Variants in GLRA1 observed in about 807,000 individuals in gnomAD.
GLRA1 encodes the protein glycine receptor alpha 1.
A neutral mutation model predicts 48.3 loss-of-function variants in GLRA1; 37 were observed. That is an observed-to-expected ratio of 0.77 (90% CI 0.59 to 1.01). GLRA1 has a LOEUF of 1.01. GLRA1 is among the 50% of genes least tolerant of loss of function. GLRA1 has a pLI of 0.00. For synonymous variants in GLRA1, 196 were observed against 210.7 expected (o/e 0.93, Z 0.60); for missense variants, 427 against 571.0 (o/e 0.75, Z 2.57).
At chr5:151,923,559 A>G (rs1227142202) in intron 1 of GLRA1, among the ~76,000 whole-genome samples, 1 of 152,198 alleles carries the variant, frequency 6.6e-6, no homozygotes, top group Admixed American at 6.5e-5. Flanking sequence ...CCATCTCTGA[A>G]GATGGTATGA....
chr5:151,859,668 T>C, intron 4 of GLRA1, 117 bp downstream of exon 4: 1 of 745,894 alleles, frequency 1.3e-6, no homozygotes. Context: ...TGCAAAGGTG[T>C]TGGGTTGCCA....
intron 7 of GLRA1, among the ~76,000 whole-genome samples, chr5:151,844,651 A>G (rs1023586401): frequency 2.0e-5 from 3 of 150,904 alleles, no homozygotes; most frequent in Non-Finnish European, 3.0e-5. Flanking sequence ...AGAAAAAGAA[A>G]AAAAAAGACA....
At chr5:151,912,147 A>C (rs1338828294) in intron 1 of GLRA1, among the ~76,000 whole-genome samples, 1 of 150,884 alleles carries the variant, frequency 6.6e-6, no homozygotes, top group Non-Finnish European at 1.5e-5. Flanking sequence ...GGGCCGTATC[A>C]CCTCCTTTTT....
At chr5:151,826,288 T>C (rs1312841099) in intron 8 of GLRA1, among the ~76,000 whole-genome samples, 3 of 152,218 alleles carry the variant, frequency 2.0e-5, no homozygotes, top group Non-Finnish European at 2.9e-5. Flanking sequence ...AGTCCAGATT[T>C]TAAAAACACT....
At chr5:151,888,232 A>G (rs554491651) in intron 2 of GLRA1, among the ~76,000 whole-genome samples, 1 of 152,348 alleles carries the variant, frequency 6.6e-6, no homozygotes, top group East Asian at 1.9e-4. Flanking sequence ...AAAGTAGCCC[A>G]AGCATTTTGC....
chr5:151,831,411 C>T (rs752966560), intron 7 of GLRA1, among the ~76,000 whole-genome samples: 217 of 152,340 alleles, frequency 1.4e-3, no homozygotes, highest in African/African-American at 4.6e-3. Flanking sequence ...TTGAAATTCT[C>T]GCTGCCAGCA....
intron 2 of GLRA1, among the ~76,000 whole-genome samples, chr5:151,891,396 A>T (rs964989573): frequency 3.9e-5 from 6 of 152,222 alleles, no homozygotes; most frequent in Non-Finnish European, 8.8e-5. Flanking sequence ...TTGGCAACCC[A>T]CAGGGCATAT....
At position 151,854,267 on chromosome 5, in the gene GLRA1, G is replaced by A. The variant is rs80300088; in HGVS notation, c.697+773C>T. The stretch of plus-strand genomic sequence containing the variant: ...CCCAAGACAGACTGCAGCCCAGGCT[G>A]CCTGTACCTTCACTGGGCTTTCTAC... On this transcript the variant is annotated intron_variant, in intron 6 of 8. Transcript: ENST00000274576. Among the ~76,000 whole-genome samples the A allele has an allele frequency of 5.2e-3, 798 of 152,306 alleles. 9 individuals carry two copies. The highest frequency in any genetic ancestry group is 0.018 in the African/African-American group (751 of 41,584).
intron 1 of GLRA1, among the ~76,000 whole-genome samples, chr5:151,903,061 CA>C (rs1754401178): frequency 6.6e-6 from 1 of 152,072 alleles, no homozygotes; most frequent in Non-Finnish European, 1.5e-5. Flanking sequence ...TATACTAGTG[CA>C]ATCTCAGAGT....
At chr5:151,849,504 T>TC (rs1174415056) in intron 7 of GLRA1, among the ~76,000 whole-genome samples, 9 of 112,130 alleles carry the variant, frequency 8.0e-5, no homozygotes, top group African/African-American at 3.5e-4. Flanking sequence ...TTCTTTTCTT[T>TC]CTTTCTTTCT....
At chr5:151,844,693 ATAAAT>A (rs1209695871) in intron 7 of GLRA1, among the ~76,000 whole-genome samples, 1 of 151,722 alleles carries the variant, frequency 6.6e-6, no homozygotes, top group Non-Finnish European at 1.5e-5. Flanking sequence ...GAAAAAACAG[ATAAAT>A]TAGACTTTAT....
intron 3 of GLRA1, among the ~76,000 whole-genome samples, chr5:151,869,972 A>T (rs1327408480): frequency 1.3e-5 from 2 of 149,728 alleles, no homozygotes; most frequent in Non-Finnish European, 2.9e-5. Context: ...TTTAAAAAAA[A>T]TTTTAAACCA....
intron 1 of GLRA1, among the ~76,000 whole-genome samples, chr5:151,903,329 C>T (rs1754407087): frequency 1.3e-5 from 2 of 152,162 alleles, no homozygotes; most frequent in Non-Finnish European, 2.9e-5. Context: ...AATGGAGTGA[C>T]TGGTCTTCAG....
intron 3 of GLRA1, among the ~76,000 whole-genome samples, chr5:151,877,639 A>G (rs1753658946): frequency 6.6e-6 from 1 of 152,146 alleles, no homozygotes; most frequent in South Asian, 2.1e-4. Context: ...CCTGGTGGGA[A>G]GTAATTGAAT....
chr5:151,923,413 T>C (rs1754927061), intron 1 of GLRA1, among the ~76,000 whole-genome samples: 1 of 152,154 alleles, frequency 6.6e-6, no homozygotes, highest in African/African-American at 2.4e-5. Flanking sequence ...TGGGGTGGGT[T>C]TTTCAAATGA....
chr5:151,919,036 T>A (rs1387136154), intron 1 of GLRA1, among the ~76,000 whole-genome samples: 1 of 152,230 alleles, frequency 6.6e-6, no homozygotes, highest in South Asian at 2.1e-4. Flanking sequence ...GAGTGCATTT[T>A]AAACATTTCA....
chr5:151,865,987 C>T (rs1002911938), intron 3 of GLRA1, among the ~76,000 whole-genome samples: 5 of 152,194 alleles, frequency 3.3e-5, no homozygotes, highest in South Asian at 2.1e-4. Flanking sequence ...CATAGCTATA[C>T]GTATGCTGGT....
intron 3 of GLRA1, among the ~76,000 whole-genome samples, chr5:151,861,808 G>A (rs1167154604): frequency 6.6e-5 from 10 of 152,118 alleles, no homozygotes; most frequent in South Asian, 6.2e-4. Flanking sequence ...AGAACATTCC[G>A]TGCTCATGGA....
intron 3 of GLRA1, among the ~76,000 whole-genome samples, chr5:151,873,680 A>G (rs553772423): frequency 2.0e-5 from 3 of 152,156 alleles, no homozygotes; most frequent in African/African-American, 7.2e-5. Context: ...AAAAAAAAAA[A>G]AAGGTTTACC....
Sources: allele counts gnomAD v4.1 joint callset (sites outside exome capture counted in the v4.1 genomes callset), GRCh38; gene constraint gnomAD v4.1.1; transcripts MANE v1.5; gene names NCBI Gene and HGNC (gene_info 2026-07-23, HGNC 2026-07-21).